Variants in XXYLT1 observed in about 807,000 individuals in gnomAD.
XXYLT1 encodes the protein UDP-xylose:alpha-xyloside alpha-1,3-xylosyltransferase.
XXYLT1 carries 20 observed loss-of-function variants against 28.9 expected under a neutral mutation model. The observed-to-expected ratio is 0.69, with a 90% CI of 0.49 to 1.00. XXYLT1 has a LOEUF of 1.00. Ranked by LOEUF, XXYLT1 falls within the 50% of genes least tolerant of loss-of-function variation. XXYLT1 has a pLI of 0.00. For missense variants in XXYLT1, 542 were observed against 560.1 expected (o/e 0.97, Z 0.33); for synonymous variants, 257 against 253.8 (o/e 1.01, Z -0.12).
chr3:195,161,696 G>A (rs1021748977), intron 2 of XXYLT1, among the ~76,000 whole-genome samples: 6 of 149,430 alleles, frequency 4.0e-5, no homozygotes, highest in Non-Finnish European at 5.9e-5. Context: ...GGGCAATGGC[G>A]CGATCTTGGC....
At position 195,256,450 on chromosome 3, in the gene XXYLT1, G is replaced by A. The variant is rs1472871453; in HGVS notation, c.504+14105C>T. ...CGGCCCTGCACAGGGCAGGGCCCGAGAAACGAACCAGTACCTCCCAGAGGA... is the reference window on the plus strand; with the variant it reads ...CGGCCCTGCACAGGGCAGGGCCCGAAAAACGAACCAGTACCTCCCAGAGGA... On this transcript the variant is annotated intron_variant, in intron 1 of 3. Transcript: ENST00000310380. The surrounding 1 kb of genome is among the most constrained non-coding windows in gnomAD (Gnocchi z 4.2). 3 of 984,360 alleles carry A rather than the reference G, an allele frequency of 3.0e-6. No individual in the cohort carries two copies. The African/African-American group carries it at 5.2e-5, about 17-fold the overall frequency. 61.0% of individuals were successfully genotyped at this position (984,360 alleles called of 1,614,324 possible).
intron 1 of XXYLT1, chr3:195,270,195 G>C (rs1725971133): frequency 1.9e-6 from 1 of 520,224 alleles, no homozygotes; most frequent in Admixed American, 2.4e-5. Flanking sequence ...CCCATCCTCA[G>C]AAGTCAAAAA....
intron 1 of XXYLT1, among the ~76,000 whole-genome samples, chr3:195,241,595 C>T (rs763493592): frequency 7.2e-5 from 11 of 152,134 alleles, no homozygotes; most frequent in Admixed American, 2.6e-4. Flanking sequence ...AATCTGCTAA[C>T]GGACTAGGAG....
At chr3:195,141,776 G>A (rs1202577721) in intron 3 of XXYLT1, among the ~76,000 whole-genome samples, 5 of 152,188 alleles carry the variant, frequency 3.3e-5, no homozygotes, top group Non-Finnish European at 7.3e-5. Flanking sequence ...ATGGCCACCT[G>A]TGTAAAGGTA....
intron 2 of XXYLT1, among the ~76,000 whole-genome samples, chr3:195,164,323 G>A (rs1337764291): frequency 6.6e-6 from 1 of 152,182 alleles, no homozygotes; most frequent in Non-Finnish European, 1.5e-5. Context: ...CAGTGGAGCC[G>A]CTGCTGTGTT....
chr3:195,183,910 T>C (rs1213759906), intron 2 of XXYLT1, among the ~76,000 whole-genome samples: 2 of 152,234 alleles, frequency 1.3e-5, no homozygotes, highest in African/African-American at 4.8e-5. Flanking sequence ...CGAAGGGCTA[T>C]GTGATCCACT....
At chr3:195,109,533 G>A (rs569170278) in intron 3 of XXYLT1, among the ~76,000 whole-genome samples, 1 of 125,696 alleles carries the variant, frequency 8.0e-6, no homozygotes, top group African/African-American at 2.8e-5. Context: ...TGTGTGTGGT[G>A]TACATGTGTA....
At chr3:195,116,952 T>C (rs1718073376) in intron 3 of XXYLT1, among the ~76,000 whole-genome samples, 1 of 151,994 alleles carries the variant, frequency 6.6e-6, no homozygotes, top group South Asian at 2.1e-4. Context: ...AACAATGAAG[T>C]GTTACTGCCC....
At chr3:195,106,601 C>T (rs4677656) in intron 3 of XXYLT1, among the ~76,000 whole-genome samples, 28,759 of 152,220 alleles carry the variant, frequency 0.19, 3,131 homozygotes, top group African/African-American at 0.31. Context: ...AGACCCCTGC[C>T]GGCGAGGCGC....
intron 2 of XXYLT1, among the ~76,000 whole-genome samples, chr3:195,156,900 A>G (rs939005973): frequency 6.6e-6 from 1 of 152,108 alleles, no homozygotes; most frequent in African/African-American, 2.4e-5. Context: ...TCACTCTCAA[A>G]AGTATCTCAT....
intron 3 of XXYLT1, among the ~76,000 whole-genome samples, chr3:195,083,706 C>T (rs768087123): frequency 1.3e-5 from 2 of 152,152 alleles, no homozygotes; most frequent in Admixed American, 6.5e-5. Flanking sequence ...TTCCATTTTA[C>T]GGACGAGGAA....
At chr3:195,158,390 G>C (rs1052510417) in intron 2 of XXYLT1, among the ~76,000 whole-genome samples, 1 of 152,198 alleles carries the variant, frequency 6.6e-6, no homozygotes, top group Non-Finnish European at 1.5e-5. Flanking sequence ...ACCATCAGAC[G>C]CTTCTGGATG....
chr3:195,187,404 G>T (rs1303879899), intron 2 of XXYLT1, among the ~76,000 whole-genome samples: 1 of 152,140 alleles, frequency 6.6e-6, no homozygotes, highest in Non-Finnish European at 1.5e-5. Flanking sequence ...TGTCTCTTCT[G>T]TGTCCCTTCT....
intron 3 of XXYLT1, among the ~76,000 whole-genome samples, chr3:195,096,486 C>T (rs975499982): frequency 2.5e-4 from 38 of 152,292 alleles, no homozygotes; most frequent in African/African-American, 7.7e-4. Flanking sequence ...ACGTAACAGA[C>T]GCACATGCTG....
chr3:195,106,646 A>C (rs1004644108), intron 3 of XXYLT1, among the ~76,000 whole-genome samples: 34 of 152,244 alleles, frequency 2.2e-4, no homozygotes, highest in African/African-American at 6.8e-4. Context: ...GGAGGGCCGC[A>C]GAGCGGGAGG....
At position 195,124,370 on chromosome 3, in the gene XXYLT1, C is replaced by T. The variant is rs1281424078; in HGVS notation, c.785+32079G>A. On this transcript the variant is annotated intron_variant, in intron 3 of 3. Transcript: ENST00000310380. This position sits in a 1 kb window ranked among gnomAD's most constrained non-coding sequence, Gnocchi z 4.1. ...CTGGACTGAGATGCTTCTGGGAGAA[C>T]GATGGGTATAAATCCAAGACCTAGG... Among the ~76,000 whole-genome samples the T allele has an allele frequency of 2.6e-5, 4 of 152,156 alleles. No individual in the cohort carries two copies. The highest frequency in any genetic ancestry group is 1.3e-4 in the Admixed American group (2 of 15,282).
intron 1 of XXYLT1, among the ~76,000 whole-genome samples, chr3:195,241,764 A>G (rs1724785578): frequency 6.6e-6 from 1 of 151,854 alleles, no homozygotes; most frequent in Non-Finnish European, 1.5e-5. Context: ...CCCTCACCAA[A>G]AAAGTAGCTA....
At chr3:195,227,868 G>C (rs1289273794) in intron 1 of XXYLT1, among the ~76,000 whole-genome samples, 2 of 152,190 alleles carry the variant, frequency 1.3e-5, no homozygotes, top group East Asian at 3.8e-4. Flanking sequence ...TCCTGAGTTG[G>C]GTTTCCTTGT....
rs2108643204 is a variant in XXYLT1, at chr3:195,077,645, C to T, written c.786-7534G>A. ...GGGCCCTGTAAAGCGCGGCCTGGGG[C>T]TGGACGTCGTAGGGGGTGAATGGCC... On this transcript the variant is annotated intron_variant, in intron 3 of 3. Transcript: ENST00000310380. The surrounding 1 kb of genome is among the most constrained non-coding windows in gnomAD (Gnocchi z 4.8). Among the ~76,000 whole-genome samples, 1 of 152,322 alleles carries T rather than the reference C, an allele frequency of 6.6e-6. No homozygotes were observed. The highest frequency in any genetic ancestry group is 1.9e-4 in the East Asian group (1 of 5,184).
Sources: allele counts gnomAD v4.1 joint callset (sites outside exome capture counted in the v4.1 genomes callset), GRCh38; gene constraint gnomAD v4.1.1; non-coding constraint Gnocchi (gnomAD v3.1); transcripts MANE v1.5; gene names NCBI Gene and HGNC (gene_info 2026-07-23, HGNC 2026-07-21).